Variants in PBX1 observed in about 807,000 individuals in gnomAD.
PBX1 encodes pre-B-cell leukemia transcription factor 1.
A neutral mutation model predicts 53.4 loss-of-function variants in PBX1; 6 were observed. The observed-to-expected ratio is 0.11, with a 90% CI of 0.06 to 0.22. The LOEUF is 0.22. Ranked by LOEUF, PBX1 falls within the 10% of genes least tolerant of loss-of-function variation. The pLI is 1.00. For missense variants in PBX1, 251 were observed against 551.4 expected (o/e 0.46, Z 5.46); for synonymous variants, 204 against 212.3 (o/e 0.96, Z 0.34).
intron 2 of PBX1, among the ~76,000 whole-genome samples, chr1:164,861,927 A>G (rs1480975420): frequency 6.6e-6 from 1 of 152,192 alleles, no homozygotes; most frequent in African/African-American, 2.4e-5. Flanking sequence ...CTGTCAGATG[A>G]TGCAGTCAGA....
intron 2 of PBX1, among the ~76,000 whole-genome samples, chr1:164,690,658 GT>G (rs542137157): frequency 2.5e-4 from 38 of 150,802 alleles, no homozygotes; most frequent in Non-Finnish European, 4.0e-4. Context: ...TTTTTCTGTT[GT>G]TGCTGTTTCT....
At chr1:164,867,363 C>T (rs1223892302) in intron 2 of PBX1, among the ~76,000 whole-genome samples, 4 of 152,174 alleles carry the variant, frequency 2.6e-5, no homozygotes, top group Admixed American at 1.3e-4. Flanking sequence ...ACAGTCAGGA[C>T]AGGCTATAAA....
intron 2 of PBX1, among the ~76,000 whole-genome samples, chr1:164,873,296 T>C (rs1672425471): frequency 1.3e-5 from 2 of 152,232 alleles, no homozygotes; most frequent in African/African-American, 2.4e-5. Flanking sequence ...ATATGATTTC[T>C]TCTCTTTGCT....
chr1:164,786,971 G>A (rs749312031), intron 2 of PBX1, among the ~76,000 whole-genome samples: 2 of 152,110 alleles, frequency 1.3e-5, no homozygotes, highest in Admixed American at 6.5e-5. Flanking sequence ...AATTCAGTGC[G>A]TGCAAGTACT....
At position 164,773,241 on chromosome 1, in the gene PBX1, G is replaced by GCA. The variant is rs746140319; in HGVS notation, c.266-19252_266-19251insAC. ...TCCAGCTCTTGCATATAGGTAACAC[G>GCA]CGCACACACACACACACACACACAC... is the stretch of plus-strand genomic sequence containing the variant. On this transcript the variant is annotated intron_variant, in intron 2 of 8. Coordinates refer to ENST00000420696, the MANE Select transcript of PBX1 (RefSeq NM_002585.4). Among the ~76,000 whole-genome samples, 470 of 135,284 alleles carry GCA rather than the reference G, an allele frequency of 3.5e-3. 7 individuals carry two copies. Among genetic ancestry groups the GCA allele is most frequent in the South Asian group, 0.031 (124 of 3,964 alleles). The allele number at this position is 135,284 out of a possible 152,430, so 88.8% of individuals were successfully genotyped here.
At chr1:164,877,881 T>C (rs576646886) in intron 2 of PBX1, among the ~76,000 whole-genome samples, 59 of 152,210 alleles carry the variant, frequency 3.9e-4, no homozygotes, top group Non-Finnish European at 7.2e-4. Context: ...CCATTCTTCC[T>C]ACCTCTTCTT....
rs372280123 is a variant in PBX1, at chr1:164,831,033, A to G, written c.1200+9407A>G. Among the ~76,000 whole-genome samples the G allele has an allele frequency of 2.1e-3, 313 of 152,336 alleles. 9 individuals carry two copies. In the South Asian group the frequency reaches 0.048, roughly 23 times the overall value. On this transcript the variant is annotated intron_variant, in intron 8 of 8. Coordinates refer to ENST00000420696, the MANE Select transcript of PBX1 (RefSeq NM_002585.4). ...ATTTGCATTAAGGATACCTTTTAAA[A>G]TGTTTTCAACATTTTATTTAAAAAA... is the stretch of plus-strand genomic sequence containing the variant.
intron 2 of PBX1, among the ~76,000 whole-genome samples, chr1:164,729,823 TAAA>T (rs1664888658): frequency 6.6e-6 from 1 of 150,734 alleles, no homozygotes; most frequent in South Asian, 2.2e-4. Flanking sequence ...AGACAGATAA[TAAA>T]AATCATTATA....
intron 2 of PBX1, among the ~76,000 whole-genome samples, chr1:164,573,166 A>G (rs1653989237): frequency 6.6e-6 from 1 of 152,200 alleles, no homozygotes; most frequent in Non-Finnish European, 1.5e-5. Context: ...TTCTTATTTA[A>G]CCCAAATATA....
chr1:164,679,369 G>A (rs1661617293), intron 2 of PBX1, among the ~76,000 whole-genome samples: 1 of 152,208 alleles, frequency 6.6e-6, no homozygotes, highest in African/African-American at 2.4e-5. Flanking sequence ...GGACATCACA[G>A]TGGGAGCAGT....
intron 2 of PBX1, among the ~76,000 whole-genome samples, chr1:164,675,807 T>C (rs1182377658): frequency 6.6e-6 from 1 of 152,114 alleles, no homozygotes; most frequent in African/African-American, 2.4e-5. Context: ...TTCAAGCAGA[T>C]CTTGGTGGGG....
chr1:164,740,151 A>G (rs1274312045), intron 2 of PBX1, among the ~76,000 whole-genome samples: 3 of 152,294 alleles, frequency 2.0e-5, no homozygotes, highest in African/African-American at 7.2e-5. Context: ...ACAGGGAAGA[A>G]AGAGATGAAG....
intron 2 of PBX1, among the ~76,000 whole-genome samples, chr1:164,635,239 C>T (rs1658678944): frequency 6.6e-6 from 1 of 152,104 alleles, no homozygotes. Context: ...AAGAGAGGAG[C>T]TCTCAGTCCC....
chr1:164,583,556 T>C (rs1654766264), intron 2 of PBX1, among the ~76,000 whole-genome samples: 1 of 152,118 alleles, frequency 6.6e-6, no homozygotes, highest in Non-Finnish European at 1.5e-5. Context: ...CCATTGTGAT[T>C]CTTGTGACTG....
chr1:164,778,401 T>C (rs1667769856), intron 2 of PBX1, among the ~76,000 whole-genome samples: 1 of 152,108 alleles, frequency 6.6e-6, no homozygotes, highest in African/African-American at 2.4e-5. Context: ...CCCAACACTT[T>C]GGGAGGCCAA....
intron 2 of PBX1, among the ~76,000 whole-genome samples, chr1:164,676,104 G>A (rs1370942659): frequency 6.6e-6 from 1 of 152,216 alleles, no homozygotes; most frequent in Non-Finnish European, 1.5e-5. Flanking sequence ...TTACTGCACA[G>A]AGGGGTGCAA....
At chr1:164,620,970 A>G (rs1179380836) in intron 2 of PBX1, among the ~76,000 whole-genome samples, 1 of 151,658 alleles carries the variant, frequency 6.6e-6, no homozygotes, top group Non-Finnish European at 1.5e-5. Flanking sequence ...GGCGTGAGCC[A>G]CTGCGCCCGG....
At chr1:164,681,513 A>G (rs768632903) in intron 2 of PBX1, among the ~76,000 whole-genome samples, 14 of 152,224 alleles carry the variant, frequency 9.2e-5, no homozygotes, top group Non-Finnish European at 1.9e-4. Context: ...TAGAGATACA[A>G]CTGTTCAAAG....
chr1:164,844,531 TC>T (rs1470277632), intron 8 of PBX1, among the ~76,000 whole-genome samples: 1 of 152,236 alleles, frequency 6.6e-6, no homozygotes, highest in Non-Finnish European at 1.5e-5. Flanking sequence ...TGAATAATTT[TC>T]CCCAAGTAGT....
Sources: allele counts gnomAD v4.1 joint callset (sites outside exome capture counted in the v4.1 genomes callset), GRCh38; gene constraint gnomAD v4.1.1; transcripts MANE v1.5; gene names NCBI Gene and HGNC (gene_info 2026-07-23, HGNC 2026-07-21).